Variants in KCNMA1 observed in about 807,000 individuals in gnomAD.
The protein encoded by KCNMA1 is potassium calcium-activated channel subfamily M alpha 1.
Under a neutral mutation model 140.0 loss-of-function variants are expected in KCNMA1, and 29 were observed. That is an observed-to-expected ratio of 0.21 (90% CI 0.15 to 0.28). The LOEUF (loss-of-function observed/expected upper bound fraction) is 0.28, where lower values mean the gene tolerates loss of function less well. Among genes scored for constraint, KCNMA1 ranks in the 10% least tolerant of loss-of-function variants. KCNMA1 has a pLI of 1.00. For missense variants in KCNMA1, 880 were observed against 1,602.2 expected (o/e 0.55, Z 7.70); for synonymous variants, 612 against 611.9 (o/e 1.00, Z 0.00).
At chr10:77,634,778 CAA>C (rs35662690) in intron 1 of KCNMA1, 1 of 154,260 alleles carries the variant, frequency 6.5e-6, no homozygotes, top group Non-Finnish European at 1.1e-5. Flanking sequence ...GAAAAAAAGA[CAA>C]ACACACACAC....
intron 1 of KCNMA1, among the ~76,000 whole-genome samples, chr10:77,536,011 T>G (rs1448508620): frequency 6.6e-6 from 1 of 152,244 alleles, no homozygotes; most frequent in Non-Finnish European, 1.5e-5. Flanking sequence ...GAATTTATTC[T>G]ACATTTCAAA....
At chr10:77,100,704 G>A (rs1465437877) in intron 9 of KCNMA1, among the ~76,000 whole-genome samples, 1 of 152,282 alleles carries the variant, frequency 6.6e-6, no homozygotes, top group Non-Finnish European at 1.5e-5. Context: ...TGAATGACAT[G>A]GTACGAAGAC....
In KCNMA1 at chr10:77,001,530, C is replaced by T. The variant is rs1312161191; in HGVS notation, c.2143G>A (p.Gly715Arg). Residue 715 changes from glycine (G) to arginine (R), a missense_variant, in exon 19 of 28, where the codon GGA becomes AGA. Coordinates refer to ENST00000286628, the MANE Select transcript of KCNMA1 (RefSeq NM_001161352.2). ...RMRRACCFDC[G>R]RSERDCSCMS... ...CATGAGCAGTCACGCTCAGAACGTC[C>T]GCAATCAAAACAACATGCCCGTCTC... is the stretch of plus-strand genomic sequence containing the variant. The T allele has an allele frequency of 5.8e-6, 9 of 1,551,982 alleles. No homozygotes were observed. Among genetic ancestry groups the T allele is most frequent in the East Asian group, 2.4e-5 (1 of 40,924 alleles).
At chr10:77,475,618 A>G (rs1023101805) in intron 1 of KCNMA1, among the ~76,000 whole-genome samples, 1 of 152,204 alleles carries the variant, frequency 6.6e-6, no homozygotes, top group East Asian at 1.9e-4. Context: ...TGTAAAAAAA[A>G]GCACAAGGCT....
intron 1 of KCNMA1, among the ~76,000 whole-genome samples, chr10:77,535,735 T>C: frequency 6.6e-6 from 1 of 152,200 alleles, no homozygotes; most frequent in East Asian, 1.9e-4. Context: ...ATTCTGTCCT[T>C]TGCAGTAACA....
At chr10:77,325,255 C>G (rs1189683528) in intron 2 of KCNMA1, among the ~76,000 whole-genome samples, 3 of 152,212 alleles carry the variant, frequency 2.0e-5, no homozygotes, top group Non-Finnish European at 4.4e-5. Context: ...CTCTCCCCTC[C>G]TTCCCTGCCA....
chr10:76,872,877 T>C (rs929634790), downstream of KCNMA1: 1 of 152,250 alleles, frequency 6.6e-6, no homozygotes, highest in Non-Finnish European at 1.5e-5. Context: ...CTGCTTATTA[T>C]ATCTTTTTCT....
intron 25 of KCNMA1, among the ~76,000 whole-genome samples, chr10:76,894,998 C>T (rs565381949): frequency 9.2e-5 from 14 of 152,248 alleles, no homozygotes; most frequent in African/African-American, 2.2e-4. Context: ...GCAGATAGCC[C>T]GGTGCCACAC....
At chr10:77,296,910 G>T (rs536626248) in intron 2 of KCNMA1, among the ~76,000 whole-genome samples, 9 of 148,040 alleles carry the variant, frequency 6.1e-5, no homozygotes, top group African/African-American at 1.9e-4. Flanking sequence ...TGGGTGTGTG[G>T]GCGGGGGGGC....
At chr10:77,236,802 TTTTA>T (rs1242457244) in intron 3 of KCNMA1, among the ~76,000 whole-genome samples, 15 of 152,202 alleles carry the variant, frequency 9.9e-5, no homozygotes, top group Admixed American at 9.8e-4. Flanking sequence ...CAATCTCATG[TTTTA>T]TTTATTTATG....
chr10:76,920,484 A>T (rs1236323246), intron 23 of KCNMA1, among the ~76,000 whole-genome samples: 1 of 152,168 alleles, frequency 6.6e-6, no homozygotes, highest in African/African-American at 2.4e-5. Flanking sequence ...TGGAACCCAG[A>T]TAAACAAGTC....
intron 1 of KCNMA1, among the ~76,000 whole-genome samples, chr10:77,526,100 C>T (rs2055524203): frequency 6.6e-6 from 1 of 152,212 alleles, no homozygotes. Context: ...AGAACCACTG[C>T]AGCTATCTTG....
intron 20 of KCNMA1, among the ~76,000 whole-genome samples, chr10:76,958,117 G>A (rs1043565547): frequency 7.9e-5 from 12 of 152,152 alleles, no homozygotes; most frequent in Admixed American, 6.5e-4. Flanking sequence ...CTGTGATCCA[G>A]GGAGACCCAG....
intron 2 of KCNMA1, among the ~76,000 whole-genome samples, chr10:77,394,812 T>C (rs1343457300): frequency 2.0e-5 from 3 of 152,172 alleles, no homozygotes; most frequent in Non-Finnish European, 4.4e-5. Flanking sequence ...TTGACAGGCA[T>C]ACAGGGAGTG....
At chr10:76,900,846 G>A (rs1171893476) in intron 25 of KCNMA1, among the ~76,000 whole-genome samples, 1 of 151,156 alleles carries the variant, frequency 6.6e-6, no homozygotes, top group East Asian at 1.9e-4. Flanking sequence ...TTGTTTCTTG[G>A]AGATATCATG....
chr10:77,394,688 G>A (rs1211642979), intron 2 of KCNMA1, among the ~76,000 whole-genome samples: 2 of 152,206 alleles, frequency 1.3e-5, no homozygotes, highest in Non-Finnish European at 2.9e-5. Flanking sequence ...TTGAGCTTGG[G>A]GAAGTGAATG....
At chr10:77,435,889 C>T (rs1253620645) in intron 1 of KCNMA1, among the ~76,000 whole-genome samples, 1 of 152,208 alleles carries the variant, frequency 6.6e-6, no homozygotes, top group African/African-American at 2.4e-5. Flanking sequence ...AGTGACAGAG[C>T]TCAGAGGTCT....
chr10:76,996,017 T>C (rs1391560746), intron 19 of KCNMA1, among the ~76,000 whole-genome samples: 1 of 152,230 alleles, frequency 6.6e-6, no homozygotes, highest in Non-Finnish European at 1.5e-5. Flanking sequence ...GCAGTACATC[T>C]TCATAGTGTA....
At chr10:77,547,864 T>C (rs1283604525) in intron 1 of KCNMA1, among the ~76,000 whole-genome samples, 1 of 152,182 alleles carries the variant, frequency 6.6e-6, no homozygotes, top group Non-Finnish European at 1.5e-5. Flanking sequence ...TTTTTATAAA[T>C]AAAGTTTTAT....
Sources: allele counts gnomAD v4.1 joint callset (sites outside exome capture counted in the v4.1 genomes callset), GRCh38; gene constraint gnomAD v4.1.1; transcripts MANE v1.5; gene names NCBI Gene and HGNC (gene_info 2026-07-23, HGNC 2026-07-21).